SNRNP70: variants seen among roughly 807,000 people sequenced by gnomAD.
SNRNP70 encodes U1 small nuclear ribonucleoprotein 70 kDa.
SNRNP70 carries 8 observed loss-of-function variants against 50.5 expected under a neutral mutation model. The ratio of observed to expected loss-of-function variants is 0.16; its 90% CI spans 0.09 to 0.29. SNRNP70 has a LOEUF of 0.29. SNRNP70 is among the 10% of genes least tolerant of loss of function. The pLI is 1.00. For missense variants in SNRNP70, 529 were observed against 663.5 expected (o/e 0.80, Z 2.23); for synonymous variants, 320 against 252.9 (o/e 1.27, Z -2.52).
intron 6 of SNRNP70, among the ~76,000 whole-genome samples, chr19:49,099,078 A>G (rs1422697172): frequency 6.6e-6 from 1 of 152,222 alleles, no homozygotes; most frequent in Non-Finnish European, 1.5e-5. Flanking sequence ...TCTTGGCAGA[A>G]TACCTATGCT....
Position 49,090,446 on chromosome 19 carries a change from C to G in SNRNP70, c.211-20C>G. ...ACTTCTATCTGCATTCACTTCTCCA[C>G]CTCCCCTTTCTCCTGACAGAGACGG... is the stretch of plus-strand genomic sequence containing the variant. On this transcript the variant is annotated intron_variant, in intron 3 of 9. Coordinates refer to ENST00000598441, the MANE Select transcript of SNRNP70 (RefSeq NM_003089.6). 6.2e-7 allele frequency: 1 copy of G among 1,614,034 alleles called. No individual in the cohort carries two copies. Among genetic ancestry groups the G allele is most frequent in the Non-Finnish European group, 8.5e-7 (1 of 1,179,890 alleles).
intron 7 of SNRNP70, chr19:49,102,102 T>C (rs1461733480): frequency 7.9e-7 from 1 of 1,271,932 alleles, no homozygotes; most frequent in Admixed American, 2.3e-5. Context: ...ACTGTTCTTA[T>C]TGTCACTGCA....
intron 7 of SNRNP70, chr19:49,103,550 C>T (rs951036406): frequency 2.6e-5 from 4 of 152,512 alleles, no homozygotes; most frequent in Non-Finnish European, 4.4e-5. Context: ...GAGCCCCCCC[C>T]ATCCCGCTCG....
At position 49,094,976 on chromosome 19, in the gene SNRNP70, A is replaced by G. The variant is rs376981888; in HGVS notation, c.266-3451A>G. On this transcript the variant is annotated intron_variant, in intron 4 of 9. Transcript: ENST00000598441. The stretch of plus-strand genomic sequence containing the variant: ...GTCTCTGCTCTGGGCTGCTACTTAG[A>G]TGAGCCCTCAACCAGTGATGTCCTG... 1.2e-4 allele frequency among the ~76,000 whole-genome samples: 18 copies of G among 152,342 alleles called. No homozygotes were observed. The South Asian group carries it at 3.7e-3, about 32-fold the overall frequency.
rs970113682 is a variant in SNRNP70 at position 49,104,426 on chromosome 19, TGA to T, written c.476-204_476-203del. 12 of 541,348 alleles carry T rather than the reference TGA, an allele frequency of 2.2e-5. No homozygotes were observed. Among genetic ancestry groups the T allele is most frequent in the Non-Finnish European group, 3.7e-5 (11 of 301,342 alleles). The allele number at this position is 541,348 out of a possible 1,614,324, so 33.5% of individuals were successfully genotyped here. A position where few individuals can be genotyped will look rare whatever the true frequency, so the allele number is the denominator to read the frequency against. ...CCCCGACCAGGAGTGGTTGGGGCGC[TGA>T]GAGGAAGCAGACGCTGAGATGGAGC... is the stretch of plus-strand genomic sequence containing the variant. On this transcript the variant is annotated intron_variant, in intron 7 of 9. Transcript: ENST00000598441. The surrounding 1 kb of genome is among the most constrained non-coding windows in gnomAD (Gnocchi z 5.4).
chr19:49,086,532 G>C lies in SNRNP70; in HGVS notation c.118G>C (p.Gly40Arg). The C allele has an allele frequency of 6.2e-7, 1 of 1,614,026 alleles. No homozygotes were observed. The highest frequency in any genetic ancestry group is 8.5e-7 in the Non-Finnish European group (1 of 1,179,986). Residue 40 changes from glycine (G) to arginine (R), a missense_variant, in exon 2 of 10, where the codon GGC (glycine) becomes CGC (arginine). Transcript: ENST00000598441. ...HEKHHNQPYCGIAPYIREFED... is the reference protein window; with the variant it reads ...HEKHHNQPYCRIAPYIREFED... Reference sequence around the variant, plus strand: ...AAAACACCACAATCAACCTTATTGTGGCATTGCGCCGTACATTCGAGAGTT... The same window carrying C: ...AAAACACCACAATCAACCTTATTGTCGCATTGCGCCGTACATTCGAGAGTT...
chr19:49,085,778 C>T (rs1049535643), intron 1 of SNRNP70, 142 bp downstream of exon 1: 22 of 388,754 alleles, frequency 5.7e-5, no homozygotes, highest in Admixed American at 3.6e-4. Context: ...CTTTCCCGGA[C>T]CCCGAAATCT....
At chr19:49,105,663 T>C (rs748143732) in intron 8 of SNRNP70, among the ~76,000 whole-genome samples, 11 of 151,990 alleles carry the variant, frequency 7.2e-5, no homozygotes, top group Non-Finnish European at 1.0e-4. Flanking sequence ...GAGGCAGAGG[T>C]TGCAGTGAGC....
intron 2 of SNRNP70, among the ~76,000 whole-genome samples, chr19:49,088,054 G>A (rs2040403604): frequency 6.6e-6 from 1 of 151,892 alleles, no homozygotes; most frequent in Non-Finnish European, 1.5e-5. Context: ...ACCACGCCTG[G>A]CTAATTTTGT....
intron 1 of SNRNP70, among the ~76,000 whole-genome samples, chr19:49,085,979 TTC>T (rs1167704490): frequency 6.6e-6 from 1 of 152,220 alleles, no homozygotes; most frequent in African/African-American, 2.4e-5. Context: ...CTCCTTATGT[TTC>T]TCTTTCTTTG....
At position 49,091,249 on chromosome 19, in the gene SNRNP70, A is replaced by G. The variant is rs935491785; in HGVS notation, c.265+729A>G. The stretch of plus-strand genomic sequence containing the variant: ...CTGGGCGTGGTGGCGAGCGTCTGTA[A>G]TCCCAGCTACTCGGGAGACTGAGGC... On this transcript the variant is annotated intron_variant, in intron 4 of 9. Coordinates refer to ENST00000598441, the MANE Select transcript of SNRNP70 (RefSeq NM_003089.6). Among the ~76,000 whole-genome samples, 7 of 151,752 alleles carry G rather than the reference A, an allele frequency of 4.6e-5. No homozygotes were observed. In the East Asian group the frequency reaches 1.4e-3, roughly 30 times the overall value.
intron 4 of SNRNP70, among the ~76,000 whole-genome samples, chr19:49,097,764 G>A (rs2040531320): frequency 6.6e-6 from 1 of 152,212 alleles, no homozygotes; most frequent in African/African-American, 2.4e-5. Context: ...CTTTTCTTTG[G>A]AGATTGTTAT....
chr19:49,086,692 T>A (rs1268362392), intron 2 of SNRNP70, 131 bp downstream of exon 2: 1 of 847,892 alleles, frequency 1.2e-6, no homozygotes, highest in Non-Finnish European at 1.9e-6. Context: ...TGATCCTCAG[T>A]TTCTCTGTTT....
intron 7 of SNRNP70, chr19:49,103,542 G>GC (rs899279722): frequency 1.6e-4 from 24 of 149,556 alleles, no homozygotes; most frequent in East Asian, 2.0e-4. Context: ...GAGTTGCCGA[G>GC]CCCCCCCCAT....
Position 49,104,731 on chromosome 19 carries a change from G to A in SNRNP70, c.573G>A (p.Arg191=). 1 of 1,544,158 alleles carries A rather than the reference G, an allele frequency of 6.5e-7. No individual in the cohort carries two copies. The highest frequency in any genetic ancestry group is 2.5e-5 in the East Asian group (1 of 40,554). The change falls in exon 8 of 10, where the codon CGG becomes CGA. Residue 191 remains arginine (R), a synonymous_variant. Coordinates refer to ENST00000598441, the MANE Select transcript of SNRNP70 (RefSeq NM_003089.6). This position sits in a 1 kb window ranked among gnomAD's most constrained non-coding sequence, Gnocchi z 5.4. ...CCGTGAAGGGCTGGAGGCCCCGGCG[G>A]CTAGGTGAGCACATCCTGCCTTCGA... ...GRTVKGWRPR[R]LGGGLGGTRR...
Position 49,086,478 on chromosome 19 carries a change from C to T in SNRNP70, c.64C>T (p.Leu22=), listed in dbSNP as rs1344397628. The part of the protein sequence containing the change: ...LFAPRDPIPY[L]PPLEKLPHEK... ...TGCCCCCCGTGACCCTATTCCATAC[C>T]TGCCACCCCTGGAGAAACTGCCACA... is the stretch of plus-strand genomic sequence containing the variant. The change falls in exon 2 of 10, where the codon CTG becomes TTG. Residue 22 remains leucine (L), a synonymous_variant. Coordinates refer to ENST00000598441, the MANE Select transcript of SNRNP70 (RefSeq NM_003089.6). The T allele has an allele frequency of 1.2e-6, 2 of 1,613,968 alleles. No homozygotes were observed. Among genetic ancestry groups the T allele is most frequent in the East Asian group, 2.2e-5 (1 of 44,894 alleles).
intron 1 of SNRNP70, 134 bp from the exon 2 acceptor site, chr19:49,086,271 T>G (rs1424444107): frequency 1.2e-5 from 12 of 1,019,356 alleles, no homozygotes; most frequent in Non-Finnish European, 1.6e-5. Context: ...ACAGGACTGT[T>G]CTCTGCCCTT....
At chr19:49,098,383 C>A in intron 4 of SNRNP70, 44 bp from the exon 5 acceptor site, 2 of 1,505,698 alleles carry the variant, frequency 1.3e-6, no homozygotes, top group Middle Eastern at 1.7e-4. Context: ...CTACCTGAGA[C>A]CATGGACACC....
At chr19:49,091,688 C>G (rs776606522) in intron 4 of SNRNP70, among the ~76,000 whole-genome samples, 14 of 152,190 alleles carry the variant, frequency 9.2e-5, no homozygotes, top group Admixed American at 9.2e-4. Flanking sequence ...CCTCCAAATC[C>G]TGGAGTGCAG....
Sources: allele counts gnomAD v4.1 joint callset (sites outside exome capture counted in the v4.1 genomes callset), GRCh38; gene constraint gnomAD v4.1.1; non-coding constraint Gnocchi (gnomAD v3.1); transcripts MANE v1.5; gene names NCBI Gene and HGNC (gene_info 2026-07-23, HGNC 2026-07-21).